The following PLCH1 variants were observed in gnomAD, a reference collection of about 807,000 sequenced individuals.
PLCH1 encodes the protein 1-phosphatidylinositol 4,5-bisphosphate phosphodiesterase eta-1.
Under a neutral mutation model 126.7 loss-of-function variants are expected in PLCH1, and 60 were observed. The ratio of observed to expected loss-of-function variants is 0.47; its 90% CI spans 0.38 to 0.59. The LOEUF (loss-of-function observed/expected upper bound fraction) is 0.59, where lower values mean the gene tolerates loss of function less well. PLCH1 is among the 20% of genes least tolerant of loss of function. The pLI, the probability that PLCH1 is intolerant of heterozygous loss-of-function variation, is 0.00. For missense variants in PLCH1, 1,723 were observed against 2,040.0 expected, an observed-to-expected ratio of 0.84 and a Z score of 2.99; for synonymous variants, 719 against 734.9, an observed-to-expected ratio of 0.98 and a Z score of 0.35.
intron 2 of PLCH1, among the ~76,000 whole-genome samples, chr3:155,615,272 A>C (rs1735651770): frequency 6.6e-6 from 1 of 152,168 alleles, no homozygotes; most frequent in South Asian, 2.1e-4. Flanking sequence ...ATAATCAAAA[A>C]ATCAAAAAAT....
At position 155,579,703 on chromosome 3, in the gene PLCH1, G is replaced by T. The variant is rs182833034; in HGVS notation, c.771+3769C>A. Among the ~76,000 whole-genome samples, 277 of 152,302 alleles carry T rather than the reference G, an allele frequency of 1.8e-3. 5 individuals are homozygous for T. Among genetic ancestry groups the T allele is most frequent in the Non-Finnish European group, 2.3e-3 (158 of 68,028 alleles). On this transcript the variant is annotated intron_variant, in intron 6 of 22. Coordinates refer to ENST00000460012, the MANE Select transcript of PLCH1 (RefSeq NM_014996.4). ...GACATCAAGAAAGGCATTAAAACTG[G>T]TTCCTACTTGGGTATTGCCTGCTAC...
At chr3:155,631,512 G>A (rs931573851) in intron 2 of PLCH1, among the ~76,000 whole-genome samples, 10 of 152,120 alleles carry the variant, frequency 6.6e-5, no homozygotes, top group African/African-American at 2.4e-4. Flanking sequence ...ACAATGTATC[G>A]AACTGTTATC....
chr3:155,663,091 T>C lies in PLCH1; in HGVS notation c.79+41055A>G, dbSNP rs1419724222. ...CAATCATGGTGTGCCAGCTCCATCGTAGGACACTAGTGCAGATTATAAGGA... is the reference window on the plus strand; with the variant it reads ...CAATCATGGTGTGCCAGCTCCATCGCAGGACACTAGTGCAGATTATAAGGA... On this transcript the variant is annotated intron_variant, in intron 2 of 22. Coordinates refer to ENST00000460012, the MANE Select transcript of PLCH1 (RefSeq NM_014996.4). 2.6e-5 allele frequency among the ~76,000 whole-genome samples: 4 copies of C among 152,240 alleles called. No individual in the cohort carries two copies. In the South Asian group the frequency reaches 8.3e-4, roughly 32 times the overall value.
rs540102513 is a variant in PLCH1 at position 155,620,830 on chromosome 3, G to A, written c.80-24452C>T. On this transcript the variant is annotated intron_variant, in intron 2 of 22. Transcript: ENST00000460012. ...CCTGGGGGAAGGGGCAGCTGTGGGC[G>A]CAGCTTCAGCAGACTTAAACGTCCC... 7.7e-4 allele frequency among the ~76,000 whole-genome samples: 111 copies of A among 145,086 alleles called. 1 individual carries two copies. The highest frequency in any genetic ancestry group is 2.8e-3 in the African/African-American group (104 of 36,522).
chr3:155,543,499 C>A (rs1184820990), intron 10 of PLCH1, among the ~76,000 whole-genome samples: 3 of 152,180 alleles, frequency 2.0e-5, no homozygotes, highest in Non-Finnish European at 2.9e-5. Context: ...CCCAGTCTAG[C>A]AAGGCAGGCC....
In PLCH1 at chr3:155,533,616, A is replaced by G. The variant is rs141604027; in HGVS notation, c.1363-9612T>C. Among the ~76,000 whole-genome samples, 11 of 152,370 alleles carry G rather than the reference A, an allele frequency of 7.2e-5. No individual in the cohort carries two copies. In the East Asian group the frequency reaches 9.6e-4, roughly 13 times the overall value. On this transcript the variant is annotated intron_variant, in intron 10 of 22. Coordinates refer to ENST00000460012, the MANE Select transcript of PLCH1 (RefSeq NM_014996.4). ...ATTCAAGCTAGCTGCAGAAATTTGC[A>G]TAAGTAAAATGGAGCTGAATGTTAG...
At chr3:155,527,749 G>A (rs1403023510) in intron 10 of PLCH1, among the ~76,000 whole-genome samples, 9 of 151,052 alleles carry the variant, frequency 6.0e-5, no homozygotes, top group Admixed American at 3.3e-4. Flanking sequence ...GTGAAACCCC[G>A]TCTCTACTAA....
intron 6 of PLCH1, among the ~76,000 whole-genome samples, chr3:155,577,295 T>A (rs1730103336): frequency 6.6e-6 from 1 of 152,166 alleles, no homozygotes; most frequent in East Asian, 1.9e-4. Context: ...GATTTTTGAA[T>A]TACTAATAAA....
chr3:155,610,390 C>A (rs7629309), intron 2 of PLCH1, among the ~76,000 whole-genome samples: 21,437 of 80,738 alleles, frequency 0.27, 4,312 homozygotes, highest in African/African-American at 0.56. Context: ...AAAAAAAAAA[C>A]CATCACCTAG....
chr3:155,660,227 C>T (rs1475090497), intron 2 of PLCH1, among the ~76,000 whole-genome samples: 2 of 152,202 alleles, frequency 1.3e-5, no homozygotes, highest in African/African-American at 2.4e-5. Flanking sequence ...AGCAGAGCCA[C>T]GGCCTGCCTG....
chr3:155,630,358 A>C (rs772915800), intron 2 of PLCH1, among the ~76,000 whole-genome samples: 1 of 152,260 alleles, frequency 6.6e-6, no homozygotes, highest in Non-Finnish European at 1.5e-5. Context: ...CTTAGATTTT[A>C]ATCGATTTGT....
At chr3:155,708,738 A>G (rs990040966) in intron 1 of PLCH1, among the ~76,000 whole-genome samples, 1 of 151,926 alleles carries the variant, frequency 6.6e-6, no homozygotes, top group Admixed American at 6.6e-5. Flanking sequence ...TTTCTTTTCA[A>G]CTTGCTTTTA....
At chr3:155,712,772 T>C (rs1044936331) in intron 1 of PLCH1, among the ~76,000 whole-genome samples, 2 of 150,092 alleles carry the variant, frequency 1.3e-5, no homozygotes, top group East Asian at 1.9e-4. Flanking sequence ...AATAACTTTA[T>C]GGGAAGAAGG....
intron 2 of PLCH1, among the ~76,000 whole-genome samples, chr3:155,649,570 T>A (rs1043243888): frequency 6.6e-6 from 1 of 152,084 alleles, no homozygotes; most frequent in South Asian, 2.1e-4. Flanking sequence ...TTCCCCCCCA[T>A]ATCACACAGC....
At chr3:155,542,786 G>A (rs1340463431) in intron 10 of PLCH1, among the ~76,000 whole-genome samples, 1 of 152,204 alleles carries the variant, frequency 6.6e-6, no homozygotes, top group Non-Finnish European at 1.5e-5. Context: ...AGGGTCTGGA[G>A]TGGACCTCTA....
At chr3:155,475,696 T>C (rs1160014652), downstream of PLCH1, among the ~76,000 whole-genome samples, 2 of 152,032 alleles carry the variant, frequency 1.3e-5, no homozygotes, top group African/African-American at 4.8e-5. Flanking sequence ...TACATGCCAA[T>C]AAATTGGAAA....
At chr3:155,628,549 C>CTTTTT (rs56820929) in intron 2 of PLCH1, among the ~76,000 whole-genome samples, 2 of 143,354 alleles carry the variant, frequency 1.4e-5, no homozygotes, top group Non-Finnish European at 3.1e-5. Context: ...CTTCACCTCT[C>CTTTTT]TTTTTTTTTT....
intron 1 of PLCH1, among the ~76,000 whole-genome samples, chr3:155,705,370 C>G (rs2109086234): frequency 1.3e-5 from 2 of 152,272 alleles, no homozygotes; most frequent in Non-Finnish European, 2.9e-5. Context: ...CCTGCCTTTT[C>G]TCTGGCTCCG....
chr3:155,726,387 A>C (rs1748322860), intron 1 of PLCH1, among the ~76,000 whole-genome samples: 1 of 152,204 alleles, frequency 6.6e-6, no homozygotes, highest in African/African-American at 2.4e-5. Context: ...CCCACAGTAC[A>C]TGAAAGATAA....
Sources: allele counts gnomAD v4.1 joint callset (sites outside exome capture counted in the v4.1 genomes callset), GRCh38; gene constraint gnomAD v4.1.1; transcripts MANE v1.5; gene names NCBI Gene and HGNC (gene_info 2026-07-23, HGNC 2026-07-21).